The following PDS5A variants were observed in gnomAD, a reference collection of about 807,000 sequenced individuals.
PDS5A encodes the protein PDS5 cohesin associated factor A.
PDS5A carries 42 observed loss-of-function variants against 167.1 expected under a neutral mutation model. The ratio of observed to expected loss-of-function variants is 0.25; its 90% CI spans 0.20 to 0.33. PDS5A has a LOEUF of 0.33. Ranked by LOEUF, PDS5A falls within the 10% of genes least tolerant of loss-of-function variation. PDS5A has a pLI of 1.00. For synonymous variants in PDS5A, 553 were observed against 554.6 expected (o/e 1.00, Z 0.04); for missense variants, 1,033 against 1,605.9 (o/e 0.64, Z 6.10).
intron 9 of PDS5A, 52 bp downstream of exon 9, chr4:39,913,559 C>A (rs1724082932): frequency 2.1e-6 from 2 of 948,770 alleles, no homozygotes; most frequent in Admixed American, 3.4e-5. Context: ...GTGGACTGCA[C>A]CCTACTGACT....
At chr4:39,863,799 C>A (rs1472773192) in intron 23 of PDS5A, among the ~76,000 whole-genome samples, 2 of 152,120 alleles carry the variant, frequency 1.3e-5, no homozygotes, top group African/African-American at 4.8e-5. Context: ...GGAGCTGTAT[C>A]CCTCATTTTA....
chr4:39,875,645 C>T (rs1720400342), intron 19 of PDS5A, among the ~76,000 whole-genome samples: 1 of 152,114 alleles, frequency 6.6e-6, no homozygotes, highest in Non-Finnish European at 1.5e-5. Context: ...ATAAATATGC[C>T]TGAAGTTTGC....
chr4:39,901,735 T>C (rs1722904829), intron 13 of PDS5A, among the ~76,000 whole-genome samples: 1 of 152,164 alleles, frequency 6.6e-6, no homozygotes, highest in South Asian at 2.1e-4. Context: ...CATCTTCAGA[T>C]CAGAATTCTT....
chr4:39,958,431 C>G (rs1729167680), intron 2 of PDS5A, among the ~76,000 whole-genome samples: 1 of 147,772 alleles, frequency 6.8e-6, no homozygotes, highest in African/African-American at 2.5e-5. Context: ...CGCTTGAAAT[C>G]AGAAGGTGGA....
At chr4:39,849,046 A>G (rs1021381203) in intron 27 of PDS5A, 76 bp from the exon 28 acceptor site, 4 of 1,022,462 alleles carry the variant, frequency 3.9e-6, no homozygotes, top group Non-Finnish European at 5.7e-6. Flanking sequence ...CTAAATGTAT[A>G]ATTTAGAGTT....
At position 39,967,519 on chromosome 4, in the gene PDS5A, C is replaced by T. The variant is rs993818879; in HGVS notation, c.138+8921G>A. ...AATATTAGCCAAGCCTGGTGGTGCA[C>T]GCCTGTGACCCCAGCTACTCAGGAG... On this transcript the variant is annotated intron_variant, in intron 2 of 32. Transcript: ENST00000303538. Among the ~76,000 whole-genome samples the T allele has an allele frequency of 5.3e-5, 8 of 150,588 alleles. No individual in the cohort carries two copies. The East Asian group carries it at 1.4e-3, about 26-fold the overall frequency.
At chr4:39,940,137 A>T (rs1045608801) in intron 2 of PDS5A, among the ~76,000 whole-genome samples, 6 of 151,498 alleles carry the variant, frequency 4.0e-5, no homozygotes, top group Admixed American at 6.6e-5. Flanking sequence ...AGGTGCCTGT[A>T]ATCTCAGCTA....
chr4:39,877,382 T>C (rs182756787), intron 18 of PDS5A, among the ~76,000 whole-genome samples: 84 of 152,292 alleles, frequency 5.5e-4, no homozygotes, highest in African/African-American at 1.9e-3. Flanking sequence ...AGACAGCCTT[T>C]GTCCTATTTT....
At chr4:39,852,747 G>A (rs1186921794) in intron 26 of PDS5A, among the ~76,000 whole-genome samples, 1 of 151,996 alleles carries the variant, frequency 6.6e-6, no homozygotes, top group East Asian at 1.9e-4. Context: ...TCCTCTCCTT[G>A]TCAATGTTAT....
intron 15 of PDS5A, 102 bp downstream of exon 15, chr4:39,898,675 T>C: frequency 1.1e-6 from 1 of 938,412 alleles, no homozygotes; most frequent in Non-Finnish European, 1.6e-6. Flanking sequence ...AAGATAAAGA[T>C]TATTTTCTTT....
chr4:39,928,215 T>C, intron 2 of PDS5A, 51 bp from the exon 3 acceptor site: 1 of 1,228,982 alleles, frequency 8.1e-7, no homozygotes, highest in Admixed American at 2.1e-5. Flanking sequence ...AATTTAGAAA[T>C]CAGTGGAGGA....
At chr4:39,914,161 TG>T (rs373513816) in intron 8 of PDS5A, among the ~76,000 whole-genome samples, 4,494 of 75,534 alleles carry the variant, frequency 0.059, 161 homozygotes, top group East Asian at 0.37. Context: ...TATACAAATT[TG>T]TTTTTTTTTT....
chr4:39,840,503 C>T (rs948676685), intron 31 of PDS5A, among the ~76,000 whole-genome samples: 4 of 152,174 alleles, frequency 2.6e-5, no homozygotes, highest in Admixed American at 2.6e-4. Flanking sequence ...TCAAGCAGTT[C>T]TCCTGCCTCA....
chr4:39,972,452 G>A (rs1415663190), intron 2 of PDS5A, among the ~76,000 whole-genome samples: 7 of 152,218 alleles, frequency 4.6e-5, no homozygotes, highest in Middle Eastern at 3.4e-3. Flanking sequence ...CCCGGGAGGC[G>A]GAGTTTGCAG....
At chr4:39,923,616 A>G (rs902614485) in intron 5 of PDS5A, among the ~76,000 whole-genome samples, 4 of 119,928 alleles carry the variant, frequency 3.3e-5, no homozygotes, top group Non-Finnish European at 5.6e-5. Flanking sequence ...AGCCTGGGGG[A>G]CAGACCAAGA....
intron 6 of PDS5A, among the ~76,000 whole-genome samples, chr4:39,920,844 T>G (rs1298472678): frequency 6.6e-6 from 1 of 152,232 alleles, no homozygotes; most frequent in Non-Finnish European, 1.5e-5. Flanking sequence ...TGGTAAGCGT[T>G]TCAAATAAAA....
At chr4:39,960,695 ATT>A (rs71646903) in intron 2 of PDS5A, among the ~76,000 whole-genome samples, 20 of 145,110 alleles carry the variant, frequency 1.4e-4, no homozygotes, top group African/African-American at 4.6e-4. Flanking sequence ...TACAAAGCTA[ATT>A]TTTTTTTTTT....
chr4:39,852,067 TG>T, intron 26 of PDS5A, among the ~76,000 whole-genome samples: 1 of 152,178 alleles, frequency 6.6e-6, no homozygotes, highest in Non-Finnish European at 1.5e-5. Context: ...TTGAAGTAAC[TG>T]GAAAAAAGTA....
intron 2 of PDS5A, among the ~76,000 whole-genome samples, chr4:39,930,284 G>T (rs1220270996): frequency 7.5e-6 from 1 of 133,434 alleles, no homozygotes; most frequent in East Asian, 2.3e-4. Context: ...TAAGAGACAG[G>T]GTTTTGCCAT....
Sources: gnomAD v4.1 joint callset for allele counts (sites outside exome capture counted in the v4.1 genomes callset) on GRCh38, gnomAD v4.1.1 for gene constraint, MANE v1.5 for transcripts, NCBI Gene and HGNC (gene_info 2026-07-23, HGNC 2026-07-21) for gene names.